DOCK1: variants seen among roughly 807,000 people sequenced by gnomAD.
The protein encoded by DOCK1 is dedicator of cytokinesis protein 1.
Under a neutral mutation model 262.7 loss-of-function variants are expected in DOCK1, and 138 were observed. The observed-to-expected ratio is 0.53, with a 90% CI of 0.46 to 0.61. The LOEUF (loss-of-function observed/expected upper bound fraction) is 0.61. DOCK1 is among the 20% of genes least tolerant of loss of function. The pLI, the probability that DOCK1 is intolerant of heterozygous loss-of-function variation, is 0.00. For synonymous variants in DOCK1, 866 were observed against 867.4 expected (o/e 1.00, Z 0.03); for missense variants, 1,908 against 2,370.7 (o/e 0.80, Z 4.05).
intron 23 of DOCK1, among the ~76,000 whole-genome samples, chr10:127,063,183 T>C (rs540505490): frequency 3.9e-5 from 6 of 152,384 alleles, no homozygotes; most frequent in Middle Eastern, 3.4e-3. Context: ...CGACTGATCA[T>C]GGTAGACGCC....
intron 1 of DOCK1, among the ~76,000 whole-genome samples, chr10:126,937,288 A>C (rs1036980923): frequency 6.6e-6 from 1 of 152,336 alleles, no homozygotes; most frequent in African/African-American, 2.4e-5. Flanking sequence ...TAATGCTGCT[A>C]TGAACATGGG....
At position 127,408,904 on chromosome 10, in the gene DOCK1, A is replaced by C. The variant is rs1590933675; in HGVS notation, c.4123-133A>C. 2.1e-5 allele frequency: 27 copies of C among 1,263,440 alleles called. No individual in the cohort carries two copies. In the East Asian group the frequency reaches 6.4e-4, roughly 30 times the overall value. The allele number at this position is 1,263,440 out of a possible 1,614,324, so 78.3% of individuals were successfully genotyped here. ...AACGCAAGTACAAAAAAAAATAAAA[A>C]TTACAAGTTGTTCTTAAATTTAATG... On this transcript the variant is annotated intron_variant, in intron 40 of 51. Transcript: ENST00000623213.
intron 25 of DOCK1, 36 bp downstream of exon 25, chr10:127,110,390 T>A (rs2048793804): frequency 6.4e-7 from 1 of 1,564,508 alleles, no homozygotes; most frequent in African/African-American, 1.3e-5. Context: ...ACTTGTCCTG[T>A]TATTTATTTT....
At chr10:127,069,279 C>T (rs1241686372) in intron 23 of DOCK1, among the ~76,000 whole-genome samples, 1 of 152,142 alleles carries the variant, frequency 6.6e-6, no homozygotes, top group Non-Finnish European at 1.5e-5. Context: ...TCTCAGAAGC[C>T]ACCTGCTTCT....
chr10:127,325,506 C>T lies in DOCK1; in HGVS notation c.3045-13500C>T, dbSNP rs575762472. On this transcript the variant is annotated intron_variant, in intron 29 of 51. Coordinates refer to ENST00000623213, the MANE Select transcript of DOCK1 (RefSeq NM_001290223.2). ...GGAAATCTGCTCAGTGTTTACACAGCCAACTGGTCAGTGGTACAGCCTGGA... is the reference window on the plus strand; with the variant it reads ...GGAAATCTGCTCAGTGTTTACACAGTCAACTGGTCAGTGGTACAGCCTGGA... 2.0e-5 allele frequency among the ~76,000 whole-genome samples: 3 copies of T among 152,304 alleles called. No individual in the cohort carries two copies. In the East Asian group the frequency reaches 5.8e-4, roughly 29 times the overall value.
At position 127,176,007 on chromosome 10, in the gene DOCK1, A is replaced by G; in HGVS notation, c.2847+48243A>G. ...GCTTTTAAAGGGATCTGCAGCTGGG[A>G]GGCTTTTGAGGTTCCCCTTTTTGCG... On this transcript the variant is annotated intron_variant, in intron 27 of 51. Coordinates refer to ENST00000623213, the MANE Select transcript of DOCK1 (RefSeq NM_001290223.2). This position sits in a 1 kb window ranked among gnomAD's most constrained non-coding sequence, Gnocchi z 4.4. 6.2e-7 allele frequency: 1 copy of G among 1,614,084 alleles called. No individual in the cohort carries two copies. The highest frequency in any genetic ancestry group is 8.5e-7 in the Non-Finnish European group (1 of 1,180,024).
rs763198142 is a variant in DOCK1 at position 127,018,697 on chromosome 10, A to G, written c.1202-13A>G. The G allele has an allele frequency of 3.1e-6, 5 of 1,613,898 alleles. No homozygotes were observed. The highest frequency in any genetic ancestry group is 2.7e-5 in the African/African-American group (2 of 74,916). ...GATAAAATGCGACTTAAGAGCATCC[A>G]TTGTTTTTCCAGGTTTGTGGGTAAC... On this transcript the variant is annotated splice_polypyrimidine_tract_variant and intron_variant, in intron 12 of 51. Transcript: ENST00000623213.
chr10:127,371,353 C>CT (rs1248789545), intron 33 of DOCK1, among the ~76,000 whole-genome samples: 2 of 152,218 alleles, frequency 1.3e-5, no homozygotes, highest in African/African-American at 4.8e-5. Context: ...TTGTGATTTA[C>CT]TTACCACTCA....
intron 48 of DOCK1, among the ~76,000 whole-genome samples, chr10:127,434,970 C>T (rs2069579863): frequency 6.6e-6 from 1 of 152,128 alleles, no homozygotes; most frequent in African/African-American, 2.4e-5. Flanking sequence ...CTTTCTATCA[C>T]TATGATTTTG....
intron 23 of DOCK1, among the ~76,000 whole-genome samples, chr10:127,075,872 T>G (rs938325958): frequency 6.6e-6 from 1 of 152,176 alleles, no homozygotes; most frequent in Non-Finnish European, 1.5e-5. Context: ...GGCTGAGTGC[T>G]AGATTCCTGT....
chr10:127,382,807 A>G (rs1262925144), intron 37 of DOCK1, among the ~76,000 whole-genome samples: 6 of 152,342 alleles, frequency 3.9e-5, no homozygotes, highest in Admixed American at 3.3e-4. Flanking sequence ...TAAAACATAT[A>G]TATGTGCATA....
At chr10:127,392,480 A>G (rs1046781292) in intron 38 of DOCK1, among the ~76,000 whole-genome samples, 14 of 152,264 alleles carry the variant, frequency 9.2e-5, no homozygotes, top group African/African-American at 1.9e-4. Context: ...GCTCACAGCA[A>G]CATGGAACAG....
At position 126,998,611 on chromosome 10, in the gene DOCK1, C is replaced by T. The variant is rs116793016; in HGVS notation, c.767+362C>T. On this transcript the variant is annotated intron_variant, in intron 8 of 51. Transcript: ENST00000623213. ...CTCAAATATCACTATTTCCATTTTT[C>T]AAAATTTGGTTTCTATGAATGCCAT... 825 of 173,134 alleles carry T rather than the reference C, an allele frequency of 4.8e-3. 13 individuals are homozygous for T. The highest frequency in any genetic ancestry group is 0.018 in the African/African-American group (777 of 42,418). The allele number at this position is 173,134 out of a possible 1,614,324, so 10.7% of individuals were successfully genotyped here. A position where few individuals can be genotyped will look rare whatever the true frequency, so the allele number is the denominator to read the frequency against.
At chr10:127,447,317 G>A (rs2070638365) in intron 50 of DOCK1, 77 bp from the exon 51 acceptor site, 5 of 1,550,302 alleles carry the variant, frequency 3.2e-6, no homozygotes, top group Non-Finnish European at 4.4e-6. Flanking sequence ...CTCTGGGAGG[G>A]AACGTGGAGC....
At position 127,012,018 on chromosome 10, in the gene DOCK1, A is replaced by G. The variant is rs2041491914; in HGVS notation, c.1059-214A>G. On this transcript the variant is annotated intron_variant, in intron 11 of 51. Coordinates refer to ENST00000623213, the MANE Select transcript of DOCK1 (RefSeq NM_001290223.2). The surrounding 1 kb of genome is among the most constrained non-coding windows in gnomAD (Gnocchi z 4.0). ...TATTCCTGGGGAGAGGGTTGCCCTC[A>G]TTTGCTCTGTTCCCTCTCGTGGTTC... Among the ~76,000 whole-genome samples the G allele has an allele frequency of 6.6e-6, 1 of 152,116 alleles. No individual in the cohort carries two copies. The highest frequency in any genetic ancestry group is 1.5e-5 in the Non-Finnish European group (1 of 68,012).
intron 13 of DOCK1, among the ~76,000 whole-genome samples, chr10:127,019,967 C>G (rs2042296821): frequency 6.6e-6 from 1 of 152,192 alleles, no homozygotes; most frequent in Non-Finnish European, 1.5e-5. Context: ...GTAGGAGTTA[C>G]TGCTTTGCTT....
chr10:127,397,711 G>T (rs2066982877), intron 38 of DOCK1, among the ~76,000 whole-genome samples: 1 of 151,368 alleles, frequency 6.6e-6, no homozygotes, highest in Non-Finnish European at 1.5e-5. Context: ...TATGACCCGG[G>T]CAGCGACTCC....
At chr10:127,305,590 C>T (rs2061844109) in intron 29 of DOCK1, among the ~76,000 whole-genome samples, 1 of 152,254 alleles carries the variant, frequency 6.6e-6, no homozygotes, top group African/African-American at 2.4e-5. Flanking sequence ...GATGTGCCCT[C>T]AGGGAGCTCA....
At chr10:126,970,632 G>T in intron 1 of DOCK1, 70 bp from the exon 2 acceptor site, 1 of 1,231,770 alleles carries the variant, frequency 8.1e-7, no homozygotes, top group Non-Finnish European at 1.2e-6. Flanking sequence ...ATTAAAACAA[G>T]CCAACACGAC....
Sources: allele counts gnomAD v4.1 joint callset (sites outside exome capture counted in the v4.1 genomes callset), GRCh38; gene constraint gnomAD v4.1.1; non-coding constraint Gnocchi (gnomAD v3.1); transcripts MANE v1.5; gene names NCBI Gene and HGNC (gene_info 2026-07-23, HGNC 2026-07-21).